The following LIPC variants were observed in gnomAD, a reference collection of about 807,000 sequenced individuals.
The protein encoded by LIPC is hepatic triacylglycerol lipase.
LIPC carries 44 observed loss-of-function variants against 50.7 expected under a neutral mutation model. That is an observed-to-expected ratio of 0.87 (90% CI 0.68 to 1.11). The LOEUF is 1.11. Among genes scored for constraint, LIPC ranks in the 50% most tolerant of loss-of-function variants. The probability of loss-of-function intolerance (pLI) is 0.00; values close to 1 mark genes in which losing one functional copy is unlikely to be tolerated. For missense variants in LIPC, 697 were observed against 648.2 expected (o/e 1.08, Z -0.82); for synonymous variants, 271 against 256.4 (o/e 1.06, Z -0.54).
chr15:58,507,566 A>G (rs114988534), intron 1 of LIPC, among the ~76,000 whole-genome samples: 2,430 of 152,360 alleles, frequency 0.016, 71 homozygotes, highest in African/African-American at 0.056. Flanking sequence ...AGAGCTCACT[A>G]AAGTGGTCCC....
chr15:58,567,815 G>C (rs892544225), intron 8 of LIPC, among the ~76,000 whole-genome samples: 7 of 152,156 alleles, frequency 4.6e-5, no homozygotes, highest in Non-Finnish European at 1.0e-4. Context: ...ATAGGAACAA[G>C]TCTGGAAATG....
intron 1 of LIPC, among the ~76,000 whole-genome samples, chr15:58,438,147 G>A (rs1215877799): frequency 5.9e-5 from 9 of 152,116 alleles, no homozygotes; most frequent in African/African-American, 2.2e-4. Context: ...GGCTACCCAC[G>A]ATGGCCCTCT....
intron 7 of LIPC, among the ~76,000 whole-genome samples, chr15:58,562,807 C>CCA (rs1894210090): frequency 7.0e-6 from 1 of 142,516 alleles, no homozygotes; most frequent in African/African-American, 3.0e-5. Context: ...CACAAGGGAC[C>CCA]CCCCCCCAAC....
At chr15:58,520,920 G>A (rs1447150773) in intron 1 of LIPC, among the ~76,000 whole-genome samples, 1 of 152,192 alleles carries the variant, frequency 6.6e-6, no homozygotes, top group African/African-American at 2.4e-5. Context: ...AGGAATTCTA[G>A]AAAAGGAAGG....
chr15:58,544,395 C>CTTTTT (rs66982295), intron 4 of LIPC, among the ~76,000 whole-genome samples: 40 of 128,944 alleles, frequency 3.1e-4, no homozygotes, highest in Non-Finnish European at 3.9e-4. Context: ...TTTTCTCTTT[C>CTTTTT]TTTTTTTTTT....
At chr15:58,550,845 T>C (rs2140932975) in intron 6 of LIPC, among the ~76,000 whole-genome samples, 1 of 134,310 alleles carries the variant, frequency 7.4e-6, no homozygotes, top group East Asian at 2.2e-4. Flanking sequence ...TTTTTTTTTT[T>C]TTTTTTTTTG....
intron 1 of LIPC, among the ~76,000 whole-genome samples, chr15:58,438,252 G>A (rs1893376360): frequency 6.6e-6 from 1 of 152,124 alleles, no homozygotes. Flanking sequence ...AAGAGGCTGG[G>A]CCCCGAGACA....
chr15:58,523,608 A>ATTT (rs59557225), intron 1 of LIPC, among the ~76,000 whole-genome samples: 1 of 149,976 alleles, frequency 6.7e-6, no homozygotes, highest in African/African-American at 2.4e-5. Context: ...ACAAGCTGGG[A>ATTT]TTTTTTTTTT....
chr15:58,490,399 T>C (rs1175044512), intron 1 of LIPC, among the ~76,000 whole-genome samples: 1 of 152,220 alleles, frequency 6.6e-6, no homozygotes, highest in African/African-American at 2.4e-5. Context: ...TCTGAACATA[T>C]TTCTTACAGG....
At chr15:58,491,118 C>G (rs1891571968) in intron 1 of LIPC, among the ~76,000 whole-genome samples, 1 of 152,186 alleles carries the variant, frequency 6.6e-6, no homozygotes, top group African/African-American at 2.4e-5. Flanking sequence ...ATTCTTAGCT[C>G]CTGACAGCCA....
At chr15:58,567,361 ATATG>A (rs72103643) in intron 8 of LIPC, among the ~76,000 whole-genome samples, 40 of 41,014 alleles carry the variant, frequency 9.8e-4, no homozygotes, top group Admixed American at 1.8e-3. Context: ...ATATATATGT[ATATG>A]TATATATATA....
intron 1 of LIPC, among the ~76,000 whole-genome samples, chr15:58,469,119 T>TGTGTGG (rs552523280): frequency 7.3e-5 from 11 of 150,706 alleles, no homozygotes; most frequent in East Asian, 5.8e-4. Context: ...TGTGTGTGTG[T>TGTGTGG]GTGTGTGTGT....
chr15:58,532,596 G>C (rs1892992587), intron 1 of LIPC, among the ~76,000 whole-genome samples: 3 of 152,174 alleles, frequency 2.0e-5, no homozygotes, highest in Admixed American at 1.3e-4. Flanking sequence ...AATACCCGAG[G>C]CTTCTTTCTT....
intron 1 of LIPC, among the ~76,000 whole-genome samples, chr15:58,479,427 C>G (rs1287816342): frequency 6.6e-6 from 1 of 152,210 alleles, no homozygotes; most frequent in African/African-American, 2.4e-5. Flanking sequence ...GTTCCTTTGT[C>G]TCTATCCTTT....
chr15:58,439,047 T>A (rs1893412478), intron 1 of LIPC, among the ~76,000 whole-genome samples: 1 of 152,216 alleles, frequency 6.6e-6, no homozygotes, highest in Admixed American at 6.5e-5. Context: ...TGAAGTCAGT[T>A]CTGGCACGGC....
At chr15:58,488,964 C>T (rs1438814802) in intron 1 of LIPC, among the ~76,000 whole-genome samples, 1 of 152,106 alleles carries the variant, frequency 6.6e-6, no homozygotes, top group African/African-American at 2.4e-5. Context: ...GCAAGTGGTC[C>T]TGATGGCTAC....
At chr15:58,536,705 G>T (rs543391672) in intron 1 of LIPC, among the ~76,000 whole-genome samples, 64 of 152,302 alleles carry the variant, frequency 4.2e-4, no homozygotes, top group African/African-American at 1.5e-3. Flanking sequence ...AAGCCAAAGA[G>T]AGCGGCAGAA....
At chr15:58,561,078 A>G in intron 7 of LIPC, 97 bp downstream of exon 7, 1 of 780,588 alleles carries the variant, frequency 1.3e-6, no homozygotes. Flanking sequence ...GGCCAGCTAC[A>G]ACTACTTTAT....
intron 1 of LIPC, among the ~76,000 whole-genome samples, chr15:58,527,526 G>A (rs1892830776): frequency 6.6e-6 from 1 of 152,200 alleles, no homozygotes; most frequent in Non-Finnish European, 1.5e-5. Context: ...TATCTGAGGA[G>A]CTGGCGGTAC....
Sources: gnomAD v4.1 joint callset for allele counts (sites outside exome capture counted in the v4.1 genomes callset) on GRCh38, gnomAD v4.1.1 for gene constraint, MANE v1.5 for transcripts, NCBI Gene and HGNC (gene_info 2026-07-23, HGNC 2026-07-21) for gene names.